Variants in SDAD1 observed in about 807,000 individuals in gnomAD.
SDAD1 encodes the protein SDA1 domain containing 1, also known as protein SDA1 homolog.
SDAD1 carries 79 observed loss-of-function variants against 100.3 expected under a neutral mutation model. The ratio of observed to expected loss-of-function variants is 0.79; its 90% CI spans 0.66 to 0.95. The LOEUF is 0.95. Ranked by LOEUF, SDAD1 falls within the 40% of genes least tolerant of loss-of-function variation. The pLI, the probability that SDAD1 is intolerant of heterozygous loss-of-function variation, is 0.00. For missense variants in SDAD1, 790 were observed against 810.9 expected (o/e 0.97, Z 0.31); for synonymous variants, 267 against 271.4 (o/e 0.98, Z 0.16).
chr4:75,969,768 T>C (rs1251804269), intron 10 of SDAD1, among the ~76,000 whole-genome samples: 1 of 152,102 alleles, frequency 6.6e-6, no homozygotes, highest in Non-Finnish European at 1.5e-5. Flanking sequence ...GAAACACTGA[T>C]CTAGAGCAGG....
At chr4:75,960,914 A>G in intron 16 of SDAD1, 114 bp downstream of exon 16, 5 of 844,444 alleles carry the variant, frequency 5.9e-6, no homozygotes, top group Non-Finnish European at 1.0e-5. Context: ...CGTGTGCATC[A>G]TAACCATGTA....
At chr4:75,968,511 T>C (rs1367789493) in intron 11 of SDAD1, among the ~76,000 whole-genome samples, 1 of 152,202 alleles carries the variant, frequency 6.6e-6, no homozygotes, top group Non-Finnish European at 1.5e-5. Flanking sequence ...TTTTCTACAA[T>C]GGCATCTAGT....
intron 3 of SDAD1, chr4:75,980,857 A>T (rs1470666583): frequency 1.3e-5 from 2 of 154,666 alleles, no homozygotes. Flanking sequence ...GACATTCACA[A>T]CAAGTGGGGC....
At chr4:75,973,262 G>A in intron 8 of SDAD1, 55 bp downstream of exon 8, 1 of 1,380,358 alleles carries the variant, frequency 7.2e-7, no homozygotes, top group Non-Finnish European at 1.0e-6. Flanking sequence ...TTTACAATGT[G>A]TACTCAGAGC....
In SDAD1 at chr4:75,964,146, G is replaced by A. The variant is rs1578124032; in HGVS notation, c.1170C>T (p.Val390=). Reference sequence around the variant, plus strand: ...CAGATTCTACATACCCTACTGTCATGACTTCTCCAGAGTTCTTGTCGGTAA... The same window carrying A: ...CAGATTCTACATACCCTACTGTCATAACTTCTCCAGAGTTCTTGTCGGTAA... The part of the protein sequence containing the change: ...NFVTDKNSGE[V]MTVGINAIKE... The change falls in exon 14 of 22, where the codon GTC becomes GTT. Residue 390 remains valine, a synonymous_variant. Coordinates refer to ENST00000356260, the MANE Select transcript of SDAD1 (RefSeq NM_018115.4). The A allele has an allele frequency of 6.2e-7, 1 of 1,608,244 alleles. No individual in the cohort carries two copies. The highest frequency in any genetic ancestry group is 8.5e-7 in the Non-Finnish European group (1 of 1,176,258).
In SDAD1 at chr4:75,977,670, A is replaced by T. The variant is rs148533606; in HGVS notation, c.381T>A (p.Arg127=). The T allele has an allele frequency of 1.3e-4, 215 of 1,611,420 alleles. No individual in the cohort carries two copies. The East Asian group carries it at 4.6e-3, about 34-fold the overall frequency. Residue 127 remains arginine, a synonymous_variant, in exon 4 of 22, where the codon CGT becomes CGA. Coordinates refer to ENST00000356260, the MANE Select transcript of SDAD1 (RefSeq NM_018115.4). Reference sequence around the variant, plus strand: ...CCTTTCGCAGAAGTTTATCATGGCAACGAAAAAGTTCAAAGAAGAGTTCTA... The same window carrying T: ...CCTTTCGCAGAAGTTTATCATGGCATCGAAAAAGTTCAAAGAAGAGTTCTA... The part of the protein sequence containing the change: ...SLLELFFELF[R]CHDKLLRKTL...
At chr4:75,984,379 C>G (rs1578149355) in intron 1 of SDAD1, among the ~76,000 whole-genome samples, 1 of 152,146 alleles carries the variant, frequency 6.6e-6, no homozygotes, top group Non-Finnish European at 1.5e-5. Flanking sequence ...GTTGCCCAGG[C>G]TGGACTCAAA....
chr4:75,982,635 A>G (rs1386245355), intron 1 of SDAD1, among the ~76,000 whole-genome samples: 1 of 152,014 alleles, frequency 6.6e-6, no homozygotes, highest in Non-Finnish European at 1.5e-5. Context: ...GGCAACACGG[A>G]GGCCCTGTCT....
chr4:75,971,443 C>A lies in SDAD1; in HGVS notation c.727G>T (p.Ala243Ser), dbSNP rs772953980. The A allele has an allele frequency of 6.2e-7, 1 of 1,612,494 alleles. No individual in the cohort carries two copies. Among genetic ancestry groups the A allele is most frequent in the South Asian group, 1.1e-5 (1 of 90,804 alleles). Residue 243 changes from alanine (A) to serine (S), a missense_variant, in exon 9 of 22, where the codon GCA becomes TCA. By Grantham distance (99) the Ala-to-Ser change is moderately conservative. Coordinates refer to ENST00000356260, the MANE Select transcript of SDAD1 (RefSeq NM_018115.4). ...GCATATTGTACTAGCAGGTCTCTTG[C>A]TGTTGGTCCATCATCCTAAAGAAGA... ...DSESEDDGPT[A>S]RDLLVQYATG...
chr4:75,965,615 T>C, intron 13 of SDAD1, 149 bp downstream of exon 13: 1 of 711,914 alleles, frequency 1.4e-6, no homozygotes, highest in Non-Finnish European at 2.5e-6. Context: ...TTGTACTCTT[T>C]CCCTTCATTT....
chr4:75,981,738 T>G (rs760678346), intron 2 of SDAD1, among the ~76,000 whole-genome samples, 195 bp downstream of exon 2: 12 of 152,202 alleles, frequency 7.9e-5, no homozygotes, highest in Admixed American at 2.0e-4. Context: ...TTTGTCCTGG[T>G]TAGTTATGCA....
intron 6 of SDAD1, among the ~76,000 whole-genome samples, chr4:75,975,262 A>T (rs1368654429): frequency 4.6e-5 from 7 of 152,198 alleles, no homozygotes; most frequent in African/African-American, 1.7e-4. Flanking sequence ...GAAAAGCAAA[A>T]GAAATGAGTT....
At chr4:75,980,714 G>A (rs1266217272) in intron 3 of SDAD1, 1 of 152,738 alleles carries the variant, frequency 6.5e-6, no homozygotes, top group African/African-American at 2.4e-5. Context: ...CTGAGGTAAT[G>A]GGCTGGGCTT....
chr4:75,950,626 C>T lies in SDAD1; in HGVS notation c.*124G>A, dbSNP rs1728578155. The stretch of plus-strand genomic sequence containing the variant: ...AAACACAAAATTGCTGCCACATGTT[C>T]AGCAGTTTTCACAATACAGTGTGTC... On this transcript the variant is annotated 3_prime_UTR_variant, in exon 22 of 22. Coordinates refer to ENST00000356260, the MANE Select transcript of SDAD1 (RefSeq NM_018115.4). 3.5e-6 allele frequency: 2 copies of T among 568,308 alleles called. No individual in the cohort carries two copies. Among genetic ancestry groups the T allele is most frequent in the African/African-American group, 1.9e-5 (1 of 53,678 alleles). 35.2% of individuals were successfully genotyped at this position (568,308 alleles called of 1,614,324 possible). A position where few individuals can be genotyped will look rare whatever the true frequency, so the allele number is the denominator to read the frequency against.
chr4:75,973,401 A>G lies in SDAD1; in HGVS notation c.637-10T>C. ...AAGCGGCAACTAATATCTAAACACC[A>G]ATGAGAAAAAAGTCAGCTACTTGAT... On this transcript the variant is annotated splice_polypyrimidine_tract_variant and intron_variant, in intron 7 of 21. Transcript: ENST00000356260. The G allele has an allele frequency of 5.0e-6, 8 of 1,607,634 alleles. No individual in the cohort carries two copies. Among genetic ancestry groups the G allele is most frequent in the Non-Finnish European group, 6.8e-6 (8 of 1,174,526 alleles).
chr4:75,978,208 C>T (rs1347158419), intron 3 of SDAD1, among the ~76,000 whole-genome samples: 2 of 149,092 alleles, frequency 1.3e-5, no homozygotes, highest in Non-Finnish European at 3.0e-5. Context: ...AATGGCTCAA[C>T]AGCAGTTGTT....
chr4:75,969,588 G>C (rs566034416), intron 10 of SDAD1, among the ~76,000 whole-genome samples, 189 bp from the exon 11 acceptor site: 1 of 152,306 alleles, frequency 6.6e-6, no homozygotes, highest in South Asian at 2.1e-4. Context: ...TCAACATCTA[G>C]AGTGACTGTT....
At chr4:75,974,515 G>A (rs910361907) in intron 6 of SDAD1, among the ~76,000 whole-genome samples, 2 of 151,114 alleles carry the variant, frequency 1.3e-5, no homozygotes, top group African/African-American at 2.4e-5. Context: ...CAAGAGTTCC[G>A]GTCCAGCCTG....
At position 75,963,985 on chromosome 4, in the gene SDAD1, A is replaced by G. The variant is rs1729393924; in HGVS notation, c.1181+150T>C. On this transcript the variant is annotated intron_variant, in intron 14 of 21. Coordinates refer to ENST00000356260, the MANE Select transcript of SDAD1 (RefSeq NM_018115.4). ...TTCTCAAAATTCTGACCAATAAAAA[A>G]ATTATCAAGCCTCCCAAAAAGACTG... 7.1e-6 allele frequency: 4 copies of G among 559,688 alleles called. No individual in the cohort carries two copies. The Admixed American group carries it at 1.5e-4, about 21-fold the overall frequency. The allele number at this position is 559,688 out of a possible 1,614,324, so 34.7% of individuals were successfully genotyped here. A position where few individuals can be genotyped will look rare whatever the true frequency, so the allele number is the denominator to read the frequency against.
Sources: allele counts gnomAD v4.1 joint callset (sites outside exome capture counted in the v4.1 genomes callset), GRCh38; gene constraint gnomAD v4.1.1; transcripts MANE v1.5; gene names NCBI Gene and HGNC (gene_info 2026-07-23, HGNC 2026-07-21).